PRMT3: variants seen among roughly 807,000 people sequenced by gnomAD.
PRMT3 encodes protein arginine methyltransferase 3.
PRMT3 carries 62 observed loss-of-function variants against 71.9 expected under a neutral mutation model. The observed-to-expected ratio is 0.86, with a 90% CI of 0.70 to 1.07. The LOEUF is 1.07. Among genes scored for constraint, PRMT3 ranks in the 50% least tolerant of loss-of-function variants. PRMT3 has a pLI of 0.00. For missense variants in PRMT3, 663 were observed against 643.0 expected (o/e 1.03, Z -0.34); for synonymous variants, 213 against 220.4 (o/e 0.97, Z 0.30).
At position 20,473,249 on chromosome 11, in the gene PRMT3, G is replaced by A. The variant is rs190512178; in HGVS notation, c.1347+8703G>A. On this transcript the variant is annotated intron_variant, in intron 13 of 15. Coordinates refer to ENST00000331079, the MANE Select transcript of PRMT3 (RefSeq NM_005788.4). Reference sequence around the variant, plus strand: ...TCTTCTTCACTTCTGCTCTAATCTCGGTTATTTCTTGTCTTCTGCTAGGTT... The same window carrying A: ...TCTTCTTCACTTCTGCTCTAATCTCAGTTATTTCTTGTCTTCTGCTAGGTT... Among the ~76,000 whole-genome samples the A allele has an allele frequency of 1.1e-4, 16 of 151,520 alleles. No homozygotes were observed. In the East Asian group the frequency reaches 2.5e-3, roughly 24 times the overall value.
chr11:20,475,642 T>C (rs953173645), intron 13 of PRMT3, among the ~76,000 whole-genome samples: 1 of 146,352 alleles, frequency 6.8e-6, no homozygotes, highest in Non-Finnish European at 1.5e-5. Flanking sequence ...TCATGAGAGA[T>C]ACTTAATGTC....
At chr11:20,503,225 A>C (rs1851500297) in intron 15 of PRMT3, among the ~76,000 whole-genome samples, 1 of 152,114 alleles carries the variant, frequency 6.6e-6, no homozygotes, top group Admixed American at 6.5e-5. Flanking sequence ...ATCCTTTAAA[A>C]GATTATATTA....
chr11:20,486,161 GAC>G (rs1851066043), intron 13 of PRMT3, among the ~76,000 whole-genome samples: 2 of 152,208 alleles, frequency 1.3e-5, no homozygotes, highest in Non-Finnish European at 2.9e-5. Context: ...TATATTTGTA[GAC>G]ACAGACTGGG....
intron 10 of PRMT3, among the ~76,000 whole-genome samples, chr11:20,430,582 T>C (rs1168335984): frequency 2.0e-5 from 3 of 152,184 alleles, no homozygotes; most frequent in African/African-American, 7.2e-5. Flanking sequence ...CATTTTTGTT[T>C]TTATTTAAGA....
intron 8 of PRMT3, chr11:20,406,053 C>T (rs998553852): frequency 2.6e-5 from 4 of 152,184 alleles, no homozygotes; most frequent in African/African-American, 9.7e-5. Flanking sequence ...TAAGTGGAAT[C>T]TTACAGTACA....
chr11:20,450,868 G>A (rs1315511110), intron 10 of PRMT3, among the ~76,000 whole-genome samples: 5 of 152,072 alleles, frequency 3.3e-5, no homozygotes, highest in Non-Finnish European at 5.9e-5. Context: ...TTACCCCACT[G>A]ATCATTTATT....
rs1851659123 is a variant in PRMT3 at position 20,508,734 on chromosome 11, TTTG to T, written c.*324_*326del. On this transcript the variant is annotated 3_prime_UTR_variant, in exon 16 of 16. Transcript: ENST00000331079. ...CCTATATTTGGAAGAGAGATAGTCT[TTTG>T]TTTTTAATAAGTTTCTTACTATAAA... 4 of 350,832 alleles carry T rather than the reference TTTG, an allele frequency of 1.1e-5. 1 individual carries two copies. Among genetic ancestry groups the T allele is most frequent in the South Asian group, 1.1e-4 (4 of 38,074 alleles). The allele number at this position is 350,832 out of a possible 1,614,324, so 21.7% of individuals were successfully genotyped here.
In PRMT3 at chr11:20,390,477, A is replaced by G. The variant is rs562740459; in HGVS notation, c.247+651A>G. ...GACGCAGGTCATTTGAAAAAAGACA[A>G]TCAGCTCAAAGCATGACATGAACTT... On this transcript the variant is annotated intron_variant, in intron 3 of 15. Coordinates refer to ENST00000331079, the MANE Select transcript of PRMT3 (RefSeq NM_005788.4). Among the ~76,000 whole-genome samples, 8 of 152,350 alleles carry G rather than the reference A, an allele frequency of 5.3e-5. No individual in the cohort carries two copies. The East Asian group carries it at 9.6e-4, about 18-fold the overall frequency.
chr11:20,388,194 C>T (rs1220862498), intron 2 of PRMT3, 40 bp downstream of exon 2: 1 of 1,610,304 alleles, frequency 6.2e-7, no homozygotes, highest in Non-Finnish European at 8.5e-7. Context: ...CCTAGGGTGC[C>T]CGGGCGCGTG....
At chr11:20,426,683 C>A in intron 9 of PRMT3, 83 bp from the exon 10 acceptor site, 1 of 1,274,316 alleles carries the variant, frequency 7.8e-7, no homozygotes, top group Non-Finnish European at 1.0e-6. Context: ...CAAAACAATA[C>A]GAGTTGTTGG....
chr11:20,422,100 G>A (rs1254496356), intron 9 of PRMT3, among the ~76,000 whole-genome samples: 1 of 152,108 alleles, frequency 6.6e-6, no homozygotes, highest in African/African-American at 2.4e-5. Context: ...CATACCACCT[G>A]GAAGAATCTC....
At chr11:20,476,559 G>A (rs1049901879) in intron 13 of PRMT3, among the ~76,000 whole-genome samples, 2 of 152,084 alleles carry the variant, frequency 1.3e-5, no homozygotes, top group African/African-American at 4.8e-5. Context: ...GAAAAACTTT[G>A]CCCCTCCCAA....
At chr11:20,441,035 T>G (rs971232996) in intron 10 of PRMT3, among the ~76,000 whole-genome samples, 10 of 152,034 alleles carry the variant, frequency 6.6e-5, no homozygotes, top group Admixed American at 3.9e-4. Flanking sequence ...TAACAAACCC[T>G]AGTAGTCCTC....
intron 13 of PRMT3, among the ~76,000 whole-genome samples, chr11:20,487,227 A>T (rs566691439): frequency 6.6e-6 from 1 of 152,330 alleles, no homozygotes; most frequent in South Asian, 2.1e-4. Flanking sequence ...TCAGGAAGGA[A>T]TAAAGGTGAA....
In PRMT3 at chr11:20,494,177, C is replaced by T. The variant is rs11025585; in HGVS notation, c.1409C>T (p.Ser470Phe). 6.2e-7 allele frequency: 1 copy of T among 1,607,962 alleles called. No homozygotes were observed. Among genetic ancestry groups the T allele is most frequent in the Non-Finnish European group, 8.5e-7 (1 of 1,174,514 alleles). ...ACTTTACCAATTCAGGTCGTGTTCT[C>T]TACGGGCCCTCAGAGCACCAAAACA... ...EKNCHNRVVF[S>F]TGPQSTKTHW... Residue 470 changes from serine to phenylalanine, a missense_variant, in exon 15 of 16, where the codon TCT (serine) becomes TTT (phenylalanine). Ser to Phe is a radical substitution (Grantham distance 155). Coordinates refer to ENST00000331079, the MANE Select transcript of PRMT3 (RefSeq NM_005788.4).
At chr11:20,507,656 G>A (rs1459322609) in intron 15 of PRMT3, among the ~76,000 whole-genome samples, 4 of 152,102 alleles carry the variant, frequency 2.6e-5, no homozygotes, top group Non-Finnish European at 5.9e-5. Flanking sequence ...GCGCATGCCT[G>A]TAATCCCAGC....
In PRMT3 at chr11:20,464,563, T is replaced by A; in HGVS notation, c.1347+17T>A. 6.2e-7 allele frequency: 1 copy of A among 1,605,536 alleles called. No individual in the cohort carries two copies. Among genetic ancestry groups the A allele is most frequent in the South Asian group, 1.1e-5 (1 of 88,814 alleles). On this transcript the variant is annotated intron_variant, in intron 13 of 15. Transcript: ENST00000331079. ...ATGTGCACGGTAAGCTATTTCATTC[T>A]GCTTTTACAAATTTCACTAGCAGTG...
chr11:20,479,441 G>T (rs1035905998), intron 13 of PRMT3, among the ~76,000 whole-genome samples: 1 of 152,074 alleles, frequency 6.6e-6, no homozygotes, highest in African/African-American at 2.4e-5. Context: ...TCACCCTATG[G>T]ATATTAGATA....
intron 15 of PRMT3, among the ~76,000 whole-genome samples, chr11:20,504,707 T>TGTGTGTGAGAGAGAGAGAGAGAGAGAGA (rs1332372470): frequency 7.5e-6 from 1 of 133,590 alleles, no homozygotes; most frequent in African/African-American, 3.0e-5. Flanking sequence ...TGTGTGTGTG[T>TGTGTGTGAGAGAGAGAGAGAGAGAGAGA]GAGAGAGAGA....
Sources: allele counts gnomAD v4.1 joint callset (sites outside exome capture counted in the v4.1 genomes callset), GRCh38; gene constraint gnomAD v4.1.1; transcripts MANE v1.5; gene names NCBI Gene and HGNC (gene_info 2026-07-23, HGNC 2026-07-21).